Variants in KCTD20 observed in about 807,000 individuals in gnomAD.
The protein encoded by KCTD20 is BTB/POZ domain-containing protein KCTD20.
A neutral mutation model predicts 39.6 loss-of-function variants in KCTD20; 30 were observed. That is an observed-to-expected ratio of 0.76 (90% CI 0.57 to 1.03). KCTD20 has a LOEUF of 1.03. Among genes scored for constraint, KCTD20 ranks in the 50% least tolerant of loss-of-function variants. KCTD20 has a pLI of 0.00. For synonymous variants in KCTD20, 162 were observed against 180.6 expected, an observed-to-expected ratio of 0.90 and a Z score of 0.83; for missense variants, 422 against 522.0, an observed-to-expected ratio of 0.81 and a Z score of 1.87.
At chr6:36,465,589 A>G (rs1291314764) in intron 1 of KCTD20, 1 of 152,056 alleles carries the variant, frequency 6.6e-6, no homozygotes, top group Admixed American at 6.6e-5. Flanking sequence ...AAACCAGTAC[A>G]TTCTTTTTTA....
chr6:36,470,315 T>C (rs1230115187), intron 2 of KCTD20, 58 bp downstream of exon 2: 2 of 1,468,994 alleles, frequency 1.4e-6, no homozygotes, highest in African/African-American at 2.8e-5. Context: ...GAGCATCTAC[T>C]CTACCCAGAA....
rs558497870 is a variant in KCTD20, at chr6:36,477,030, T to C, written c.434+1968T>C. Among the ~76,000 whole-genome samples, 26 of 152,354 alleles carry C rather than the reference T, an allele frequency of 1.7e-4. No individual in the cohort carries two copies. In the East Asian group the frequency reaches 4.8e-3, roughly 28 times the overall value. ...CTGGTTTTTTGAATCTTGGAATGGG[T>C]TGTCCCATGAAGAGGAGAGTCTGGT... On this transcript the variant is annotated intron_variant, in intron 3 of 7. Transcript: ENST00000373731.
chr6:36,484,799 A>G lies in KCTD20; in HGVS notation c.942A>G (p.Leu314=). The G allele has an allele frequency of 6.2e-7, 1 of 1,600,628 alleles. No homozygotes were observed. Among genetic ancestry groups the G allele is most frequent in the Non-Finnish European group, 8.5e-7 (1 of 1,170,110 alleles). The change falls in exon 7 of 8, where the codon CTA becomes CTG. Residue 314 remains leucine, a synonymous_variant. Transcript: ENST00000373731. The part of the protein sequence containing the change: ...VAKTVLKERG[L]KNIRIGIEGY... Reference sequence around the variant, plus strand: ...AAACAGTGTTAAAGGAACGGGGCCTAAAAAACATTCGCATTGGAATTGAAG... The same window carrying G: ...AAACAGTGTTAAAGGAACGGGGCCTGAAAAACATTCGCATTGGAATTGAAG...
intron 2 of KCTD20, among the ~76,000 whole-genome samples, chr6:36,473,547 C>T (rs940776241): frequency 2.0e-5 from 3 of 151,890 alleles, no homozygotes; most frequent in South Asian, 2.1e-4. Context: ...CCAAGGCGGG[C>T]GGATCACGAG....
chr6:36,445,836 A>T (rs915796084), intron 1 of KCTD20, among the ~76,000 whole-genome samples: 2 of 152,152 alleles, frequency 1.3e-5, no homozygotes, highest in African/African-American at 4.8e-5. Context: ...CTTTCATATG[A>T]CTACAAAAGC....
At chr6:36,471,931 C>T (rs190023678) in intron 2 of KCTD20, among the ~76,000 whole-genome samples, 1 of 151,854 alleles carries the variant, frequency 6.6e-6, no homozygotes, top group African/African-American at 2.4e-5. Context: ...TCACTGCAAG[C>T]TCCGCCTCCC....
chr6:36,477,336 T>G (rs1455272040), intron 3 of KCTD20, among the ~76,000 whole-genome samples: 1 of 152,208 alleles, frequency 6.6e-6, no homozygotes, highest in Non-Finnish European at 1.5e-5. Context: ...TTCACTATTT[T>G]TATTCAGAGC....
chr6:36,479,555 C>A, intron 4 of KCTD20, 36 bp from the exon 5 acceptor site: 1 of 1,580,780 alleles, frequency 6.3e-7, no homozygotes. Flanking sequence ...TCATCTTGTT[C>A]TCTGCCTACA....
chr6:36,464,212 ACTAGT>A (rs1264440772), intron 1 of KCTD20, among the ~76,000 whole-genome samples: 11 of 152,212 alleles, frequency 7.2e-5, no homozygotes, highest in Non-Finnish European at 1.3e-4. Context: ...TAATTCTGAA[ACTAGT>A]CTATGAACCA....
chr6:36,444,401 C>T (rs1378382249), intron 1 of KCTD20, among the ~76,000 whole-genome samples: 1 of 152,178 alleles, frequency 6.6e-6, no homozygotes, highest in African/African-American at 2.4e-5. Context: ...GACCCTGACA[C>T]GGGGTAGGAA....
chr6:36,456,578 CTTTTTTTTTT>C (rs58002986), intron 1 of KCTD20, among the ~76,000 whole-genome samples: 1 of 106,978 alleles, frequency 9.3e-6, no homozygotes. Context: ...CACGCCCAGG[CTTTTTTTTTT>C]TTTTTTTTTT....
rs567013345 is a variant in KCTD20, at chr6:36,473,413, C to T, written c.161-1376C>T. ...ATTTCAGTTTATAAGTGAAACAGCC[C>T]TGTGAGGTATATGGAGTGAACATTA... On this transcript the variant is annotated intron_variant, in intron 2 of 7. Coordinates refer to ENST00000373731, the MANE Select transcript of KCTD20 (RefSeq NM_173562.5). Among the ~76,000 whole-genome samples the T allele has an allele frequency of 4.6e-5, 7 of 152,222 alleles. No homozygotes were observed. In the South Asian group the frequency reaches 8.3e-4, roughly 18 times the overall value.
rs376502284 is a variant in KCTD20 at position 36,481,696 on chromosome 6, G to C, written c.793G>C (p.Asp265His). The C allele has an allele frequency of 1.8e-5, 29 of 1,614,122 alleles. No individual in the cohort carries two copies. The African/African-American group carries it at 2.5e-4, about 14-fold the overall frequency. The change falls in exon 6 of 8, where the codon GAT becomes CAT. Residue 265 changes from aspartate to histidine, a missense_variant. Transcript: ENST00000373731. The stretch of plus-strand genomic sequence containing the variant: ...AGAGTGCCACATTGTTGTGCTGACG[G>C]ATGAGGATTCTGTGGACTGGGATGA... ...ERECHIVVLTDEDSVDWDEDH... is the reference protein window; with the variant it reads ...ERECHIVVLTHEDSVDWDEDH...
At chr6:36,448,068 ATAAAG>A (rs1223043938) in intron 1 of KCTD20, among the ~76,000 whole-genome samples, 4 of 147,142 alleles carry the variant, frequency 2.7e-5, no homozygotes. Context: ...TATGATAAGT[ATAAAG>A]TAAGCTTTAT....
chr6:36,450,206 G>A (rs1052202192), intron 1 of KCTD20, among the ~76,000 whole-genome samples: 3 of 148,284 alleles, frequency 2.0e-5, no homozygotes, highest in African/African-American at 7.5e-5. Context: ...TATGTATTGG[G>A]GCCGGGTGCA....
chr6:36,481,255 A>G (rs1354153331), intron 5 of KCTD20, among the ~76,000 whole-genome samples: 1 of 152,002 alleles, frequency 6.6e-6, no homozygotes, highest in African/African-American at 2.4e-5. Flanking sequence ...ACTACAAAGA[A>G]TCATCCCCAA....
intron 1 of KCTD20, among the ~76,000 whole-genome samples, chr6:36,464,538 C>T (rs1042103011): frequency 2.0e-5 from 3 of 152,176 alleles, no homozygotes; most frequent in Non-Finnish European, 4.4e-5. Context: ...TAGCCTCTTA[C>T]TGTGAGTTCA....
At chr6:36,462,531 T>G (rs1775630546) in intron 1 of KCTD20, among the ~76,000 whole-genome samples, 1 of 152,194 alleles carries the variant, frequency 6.6e-6, no homozygotes, top group Non-Finnish European at 1.5e-5. Context: ...AAAGACTTAT[T>G]GAATAAGAAT....
At chr6:36,477,585 T>C (rs1776105182) in intron 3 of KCTD20, among the ~76,000 whole-genome samples, 1 of 150,368 alleles carries the variant, frequency 6.7e-6, no homozygotes, top group Non-Finnish European at 1.5e-5. Flanking sequence ...GGTTCAGCCA[T>C]TCTCCTGCCT....
Sources: gnomAD v4.1 joint callset for allele counts (sites outside exome capture counted in the v4.1 genomes callset) on GRCh38, gnomAD v4.1.1 for gene constraint, MANE v1.5 for transcripts, NCBI Gene and HGNC (gene_info 2026-07-23, HGNC 2026-07-21) for gene names.